Variants in SORCS2 observed in about 807,000 individuals in gnomAD.
The protein encoded by SORCS2 is sortilin related VPS10 domain containing receptor 2.
A neutral mutation model predicts 141.6 loss-of-function variants in SORCS2; 100 were observed. The ratio of observed to expected loss-of-function variants is 0.71; its 90% confidence interval spans 0.60 to 0.83. The LOEUF (loss-of-function observed/expected upper bound fraction) is 0.83. Ranked by LOEUF, SORCS2 falls within the 40% of genes least tolerant of loss-of-function variation. The pLI is 0.00. For synonymous variants in SORCS2, 789 were observed against 676.9 expected (o/e 1.17, Z -2.57); for missense variants, 1,646 against 1,560.2 (o/e 1.05, Z -0.93).
chr4:7,543,931 C>CCCATCCACCCCT (rs1713008904), intron 3 of SORCS2, among the ~76,000 whole-genome samples: 1 of 41,960 alleles, frequency 2.4e-5, no homozygotes, highest in Non-Finnish European at 4.7e-5. Context: ...CACCCATCCA[C>CCCATCCACCCCT]CCATCCACCC....
Position 7,398,523 on chromosome 4 carries a change from G to A in SORCS2, c.548+2168G>A, listed in dbSNP as rs77907554. On this transcript the variant is annotated intron_variant, in intron 2 of 26. Coordinates refer to ENST00000507866, the MANE Select transcript of SORCS2 (RefSeq NM_020777.3). ...TGTCTCTATACCCAGATGTTTCTTC[G>A]CCTTTATTAAAAATGCTTGCAGAGA... 2.0e-4 allele frequency among the ~76,000 whole-genome samples: 30 copies of A among 152,094 alleles called. No homozygotes were observed. In the East Asian group the frequency reaches 4.8e-3, roughly 24 times the overall value.
chr4:7,685,745 T>A (rs987054686), intron 10 of SORCS2, among the ~76,000 whole-genome samples: 2 of 152,048 alleles, frequency 1.3e-5, no homozygotes, highest in African/African-American at 4.8e-5. Context: ...CCTGTGTGTG[T>A]GGCCATGGCA....
At chr4:7,606,228 T>C (rs753008919) in intron 3 of SORCS2, among the ~76,000 whole-genome samples, 2 of 152,192 alleles carry the variant, frequency 1.3e-5, no homozygotes, top group Non-Finnish European at 2.9e-5. Flanking sequence ...GTTATTGCAG[T>C]GAGGAGCTCC....
intron 1 of SORCS2, among the ~76,000 whole-genome samples, chr4:7,285,886 T>C (rs865947370): frequency 4.6e-5 from 7 of 152,172 alleles, no homozygotes; most frequent in Non-Finnish European, 7.3e-5. Flanking sequence ...TTCTCTGATG[T>C]TCGGTGCAGC....
intron 1 of SORCS2, among the ~76,000 whole-genome samples, chr4:7,352,944 A>C (rs573694494): frequency 5.9e-5 from 9 of 152,170 alleles, no homozygotes; most frequent in Non-Finnish European, 1.2e-4. Context: ...GGCAGGGAGA[A>C]ATCATGATGT....
chr4:7,532,429 A>G (rs10022229), intron 3 of SORCS2, among the ~76,000 whole-genome samples: 16,575 of 152,256 alleles, frequency 0.11, 1,145 homozygotes, highest in African/African-American at 0.19. Context: ...CCCCTGCATG[A>G]TGCTCGGCAT....
chr4:7,537,988 A>G (rs1433196073), intron 3 of SORCS2, among the ~76,000 whole-genome samples: 2 of 152,140 alleles, frequency 1.3e-5, no homozygotes, highest in Admixed American at 6.5e-5. Context: ...ACTGTCTCAA[A>G]AGAAAGAAAA....
intron 4 of SORCS2, among the ~76,000 whole-genome samples, chr4:7,642,716 C>T (rs761296660): frequency 9.8e-4 from 149 of 152,276 alleles, no homozygotes; most frequent in Non-Finnish European, 1.7e-3. Context: ...ATTTCTTCTT[C>T]CTGGGGCTCT....
chr4:7,448,459 C>A (rs1403912012), intron 2 of SORCS2, among the ~76,000 whole-genome samples: 1 of 144,896 alleles, frequency 6.9e-6, no homozygotes, highest in East Asian at 2.0e-4. Flanking sequence ...GTCTCCTTCC[C>A]TCCCTCTCTC....
At chr4:7,338,057 G>T (rs1413565890) in intron 1 of SORCS2, among the ~76,000 whole-genome samples, 2 of 152,208 alleles carry the variant, frequency 1.3e-5, no homozygotes, top group Non-Finnish European at 2.9e-5. Flanking sequence ...GACAGCATCA[G>T]GTCTGGCACC....
At chr4:7,632,112 G>A (rs1469090419) in intron 3 of SORCS2, among the ~76,000 whole-genome samples, 1 of 152,184 alleles carries the variant, frequency 6.6e-6, no homozygotes, top group Admixed American at 6.5e-5. Flanking sequence ...GGTATGCTGT[G>A]AATATGTATT....
At chr4:7,601,765 A>G (rs1717698935) in intron 3 of SORCS2, among the ~76,000 whole-genome samples, 1 of 152,102 alleles carries the variant, frequency 6.6e-6, no homozygotes, top group Non-Finnish European at 1.5e-5. Flanking sequence ...GAAGGTCAGC[A>G]GATAAACATG....
chr4:7,728,492 G>T, intron 22 of SORCS2, 30 bp downstream of exon 22: 2 of 1,522,480 alleles, frequency 1.3e-6, no homozygotes, highest in Non-Finnish European at 8.9e-7. Flanking sequence ...AGCCTCCCCA[G>T]CCCCACGGTG....
intron 2 of SORCS2, among the ~76,000 whole-genome samples, chr4:7,457,925 C>G (rs533384553): frequency 1.3e-5 from 2 of 151,938 alleles, no homozygotes; most frequent in Non-Finnish European, 2.9e-5. Flanking sequence ...GTCCACACCA[C>G]TAGCCCGAGA....
chr4:7,325,172 G>A (rs1028573602), intron 1 of SORCS2, among the ~76,000 whole-genome samples: 3 of 152,186 alleles, frequency 2.0e-5, no homozygotes, highest in Non-Finnish European at 2.9e-5. Flanking sequence ...ATGAGGAGGT[G>A]CAGGGCACTG....
intron 1 of SORCS2, among the ~76,000 whole-genome samples, chr4:7,370,958 C>T (rs1352601383): frequency 1.3e-5 from 2 of 152,198 alleles, no homozygotes; most frequent in African/African-American, 4.8e-5. Context: ...TAGGAGCCTG[C>T]CCTGGACCCC....
chr4:7,264,994 C>T (rs935116898), intron 1 of SORCS2, among the ~76,000 whole-genome samples: 9 of 152,266 alleles, frequency 5.9e-5, no homozygotes, highest in Admixed American at 2.0e-4. Flanking sequence ...CAGAATCCTT[C>T]CCAGGCCCTG....
chr4:7,521,050 T>C (rs1201277931), intron 2 of SORCS2, among the ~76,000 whole-genome samples: 1 of 152,172 alleles, frequency 6.6e-6, no homozygotes. Context: ...TTGGGCGAGT[T>C]ACTTAATGTT....
rs184432358 is a variant in SORCS2 at position 7,733,618 on chromosome 4, G to C, written c.3208+197G>C. 3.5e-3 allele frequency among the ~76,000 whole-genome samples: 527 copies of C among 152,298 alleles called. 5 individuals carry two copies. Among genetic ancestry groups the C allele is most frequent in the Non-Finnish European group, 5.0e-3 (339 of 68,032 alleles). ...CTCTGCGGATGCCCCATGGAGCACT[G>C]CTCTTACCTGATACCCACGCTTCGG... is the stretch of plus-strand genomic sequence containing the variant. On this transcript the variant is annotated intron_variant, in intron 24 of 26. Transcript: ENST00000507866.
Sources: allele counts gnomAD v4.1 joint callset (sites outside exome capture counted in the v4.1 genomes callset), GRCh38; gene constraint gnomAD v4.1.1; transcripts MANE v1.5; gene names NCBI Gene and HGNC (gene_info 2026-07-23, HGNC 2026-07-21).